The following KIF21B variants were observed in gnomAD, a reference collection of about 807,000 sequenced individuals.
KIF21B encodes the protein kinesin-like protein KIF21B.
In KIF21B, 85 loss-of-function variants were observed where a neutral mutation model predicts 192.9. The observed-to-expected ratio is 0.44, with a 90% CI of 0.37 to 0.53. The LOEUF (loss-of-function observed/expected upper bound fraction) is 0.53, where lower values mean the gene tolerates loss of function less well. Ranked by LOEUF, KIF21B falls within the 20% of genes least tolerant of loss-of-function variation. The pLI, the probability that KIF21B is intolerant of heterozygous loss-of-function variation, is 0.00. For synonymous variants in KIF21B, 832 were observed against 884.6 expected (o/e 0.94, Z 1.05); for missense variants, 1,716 against 2,194.8 (o/e 0.78, Z 4.36).
intron 27 of KIF21B, 102 bp from the exon 28 acceptor site, chr1:200,983,196 A>T: frequency 1.0e-6 from 1 of 971,958 alleles, no homozygotes. Context: ...AGGGCAGGTT[A>T]TTCTCTTCCA....
In KIF21B at chr1:200,986,819, A is replaced by G. The variant is rs540304756; in HGVS notation, c.3689+25T>C. 6 of 1,593,492 alleles carry G rather than the reference A, an allele frequency of 3.8e-6. No individual in the cohort carries two copies. The African/African-American group carries it at 4.0e-5, about 11-fold the overall frequency. On this transcript the variant is annotated intron_variant, in intron 26 of 34. Transcript: ENST00000461742. Reference sequence around the variant, plus strand: ...AGAACTAGACTGGTGGTGACTCTGGAGCAGATTCTAGAACATGATCTCACC... The same window carrying G: ...AGAACTAGACTGGTGGTGACTCTGGGGCAGATTCTAGAACATGATCTCACC...
Position 200,973,078 on chromosome 1 carries a change from AG to A in KIF21B, c.*442del, listed in dbSNP as rs1393397135. ...TGAGGACTTATCTTTTTGGGCTCAG[AG>A]GCAGGTGCAGTGGCTCTAGAGGCTG... On this transcript the variant is annotated 3_prime_UTR_variant, in exon 35 of 35. Coordinates refer to ENST00000461742, the MANE Select transcript of KIF21B (RefSeq NM_001252102.2). 2 of 160,414 alleles carry A rather than the reference AG, an allele frequency of 1.2e-5. No homozygotes were observed. Among genetic ancestry groups the A allele is most frequent in the African/African-American group, 4.8e-5 (2 of 41,796 alleles). 9.9% of individuals were successfully genotyped at this position (160,414 alleles called of 1,614,324 possible).
Position 201,000,201 on chromosome 1 carries a change from A to G in KIF21B, c.1685+189T>C, listed in dbSNP as rs903807164. The stretch of plus-strand genomic sequence containing the variant: ...CAGATGGCATAGGAGAACGTGGGGG[A>G]GGGAGGTTGCCCAAAAGGCTGAGCA... On this transcript the variant is annotated intron_variant, in intron 11 of 34. Transcript: ENST00000461742. This position sits in a 1 kb window ranked among gnomAD's most constrained non-coding sequence, Gnocchi z 6.0. 6.6e-6 allele frequency among the ~76,000 whole-genome samples: 1 copy of G among 151,976 alleles called. No homozygotes were observed. Among genetic ancestry groups the G allele is most frequent in the African/African-American group, 2.4e-5 (1 of 41,390 alleles).
chr1:201,005,740 C>A, intron 3 of KIF21B, 46 bp from the exon 4 acceptor site: 2 of 1,593,142 alleles, frequency 1.3e-6, no homozygotes, highest in Non-Finnish European at 1.7e-6. Flanking sequence ...TTCACTGGGG[C>A]CCCAGGTGGC....
intron 34 of KIF21B, chr1:200,973,908 AAGGACGGTGGGTGC>A: frequency 6.7e-7 from 1 of 1,487,734 alleles, no homozygotes; most frequent in Non-Finnish European, 8.9e-7. Context: ...ATGCTTGGAA[AAGGACGGTGGGTGC>A]AGGAGGGACA....
intron 26 of KIF21B, among the ~76,000 whole-genome samples, chr1:200,986,316 T>C (rs12136966): frequency 0.26 from 38,752 of 151,550 alleles, 5,910 homozygotes; most frequent in African/African-American, 0.42. Flanking sequence ...CTGGCTCGGC[T>C]ATGCAGTTTA....
chr1:200,975,889 T>A lies in KIF21B; in HGVS notation c.4444-220A>T, dbSNP rs1655518244. 6.6e-6 allele frequency among the ~76,000 whole-genome samples: 1 copy of A among 152,072 alleles called. No homozygotes were observed. The highest frequency in any genetic ancestry group is 2.4e-5 in the African/African-American group (1 of 41,412). ...GGAAGGTTCAGATCTTGACCCTTCC[T>A]GTGGATACTGGGGCAGGGGTGGGAG... On this transcript the variant is annotated intron_variant, in intron 32 of 34. Coordinates refer to ENST00000461742, the MANE Select transcript of KIF21B (RefSeq NM_001252102.2). This position sits in a 1 kb window ranked among gnomAD's most constrained non-coding sequence, Gnocchi z 4.3.
chr1:200,984,835 C>A (rs372023400), intron 27 of KIF21B, 24 bp downstream of exon 27: 13 of 1,492,672 alleles, frequency 8.7e-6, no homozygotes, highest in Admixed American at 2.3e-5. Context: ...TGCCCTCCCC[C>A]ACTTGCCCTC....
Position 201,005,408 on chromosome 1 carries a change from C to G in KIF21B, c.632G>C (p.Arg211Pro). The change falls in exon 5 of 35, where the codon CGC becomes CCC. Residue 211 changes from arginine to proline, a missense_variant. By Grantham distance (103) the Arg-to-Pro change is moderately radical. Transcript: ENST00000461742. The stretch of plus-strand genomic sequence containing the variant: ...GTTCATCTGGGTGCTGGCTGTGGTG[C>G]GGGACAGGGCCCCCTGCTTCAGGCA... ...IQCLKQGALSRTTASTQMNVQ... is the reference protein window; with the variant it reads ...IQCLKQGALSPTTASTQMNVQ... 1 of 1,611,834 alleles carries G rather than the reference C, an allele frequency of 6.2e-7. No individual in the cohort carries two copies. The highest frequency in any genetic ancestry group is 8.5e-7 in the Non-Finnish European group (1 of 1,178,888).
In KIF21B at chr1:200,999,418, C is replaced by T. The variant is rs200764096; in HGVS notation, c.1816G>A (p.Glu606Lys). The change falls in exon 13 of 35, where the codon GAG becomes AAG. Residue 606 changes from glutamate (E) to lysine (K), a missense_variant. Physicochemically the swap from Glu to Lys is moderately conservative, Grantham distance 56. Around this residue, in one of 3 missense-constraint regions of KIF21B, gnomAD observed 1,087 missense variants for 1,316.6 expected, o/e 0.83. Coordinates refer to ENST00000461742, the MANE Select transcript of KIF21B (RefSeq NM_001252102.2). The surrounding 1 kb of genome is among the most constrained non-coding windows in gnomAD (Gnocchi z 4.7). ...CTGCCCGAGTCCTCATCTTCATCCT[C>T]GCGCCCTTCCTCCTCCTCACAGCCA... The part of the protein sequence containing the change: ...ESGCEEEEGR[E>K]DEDEDSGSEE... 60 of 1,614,030 alleles carry T rather than the reference C, an allele frequency of 3.7e-5. No homozygotes were observed. Among genetic ancestry groups the T allele is most frequent in the Non-Finnish European group, 1.1e-5 (13 of 1,180,032 alleles).
chr1:200,974,740 A>C lies in KIF21B; in HGVS notation c.4788T>G (p.Asn1596Lys). The change falls in exon 34 of 35, where the codon AAT becomes AAG. Residue 1596 changes from asparagine to lysine, a missense_variant. By Grantham distance (94) the Asn-to-Lys change is moderately conservative. This residue lies in a region of KIF21B where 580 missense variants were observed against 775.5 expected (regional missense o/e 0.75). Transcript: ENST00000461742. Reference sequence around the variant, plus strand: ...TGGAGGCTGTGAAGATATGCTTGGCATTGGTGCAGATGGCATTGATGGGAC... The same window carrying C: ...TGGAGGCTGTGAAGATATGCTTGGCCTTGGTGCAGATGGCATTGATGGGAC... ...HDSPINAICTNAKHIFTASSD... is the reference protein window; with the variant it reads ...HDSPINAICTKAKHIFTASSD... 6.2e-7 allele frequency: 1 copy of C among 1,614,200 alleles called. No individual in the cohort carries two copies. The highest frequency in any genetic ancestry group is 8.5e-7 in the Non-Finnish European group (1 of 1,180,012).
Position 200,990,839 on chromosome 1 carries a change from C to T in KIF21B, c.2687+78G>A. On this transcript the variant is annotated intron_variant, in intron 18 of 34. Transcript: ENST00000461742. The surrounding 1 kb of genome is among the most constrained non-coding windows in gnomAD (Gnocchi z 5.4). The stretch of plus-strand genomic sequence containing the variant: ...ACCCGGAGCACTCCCCAGAGCTTCC[C>T]TCTTCCTCACCCTGGCCCTGCCCCA... 3 of 1,598,100 alleles carry T rather than the reference C, an allele frequency of 1.9e-6. No homozygotes were observed. Among genetic ancestry groups the T allele is most frequent in the South Asian group, 2.2e-5 (2 of 90,052 alleles).
In KIF21B at chr1:201,023,064, C is replaced by A. The variant is rs1354669486; in HGVS notation, c.41+279G>T. Among the ~76,000 whole-genome samples, 1 of 152,268 alleles carries A rather than the reference C, an allele frequency of 6.6e-6. No individual in the cohort carries two copies. Among genetic ancestry groups the A allele is most frequent in the Non-Finnish European group, 1.5e-5 (1 of 68,046 alleles). On this transcript the variant is annotated intron_variant, in intron 1 of 34. Transcript: ENST00000461742. The surrounding 1 kb of genome is among the most constrained non-coding windows in gnomAD (Gnocchi z 5.9). ...TGGGCCAGAGCTGGGTGTGAAATAC[C>A]GGATTTCCTTGTTTATTCGATTTTC...
At position 200,987,022 on chromosome 1, in the gene KIF21B, G is replaced by A. The variant is rs149201135; in HGVS notation, c.3588C>T (p.Val1196=). ...AAGTGCTGCCCCGGGTAGGCAGACT[G>A]ACGGTGCGCGAGACCCTGTCCCGGT... ...PYYRDRVSRT[V]SLPTRGSTFP... is the part of the protein sequence containing the mutation. The change falls in exon 25 of 35, where the codon GTC becomes GTT. Residue 1196 remains valine (V), a synonymous_variant. Coordinates refer to ENST00000461742, the MANE Select transcript of KIF21B (RefSeq NM_001252102.2). 1.1e-5 allele frequency: 17 copies of A among 1,614,098 alleles called. No homozygotes were observed. In the African/African-American group the frequency reaches 2.0e-4, roughly 19 times the overall value.
intron 3 of KIF21B, among the ~76,000 whole-genome samples, chr1:201,006,859 GACAC>G (rs575791469): frequency 2.1e-5 from 3 of 146,026 alleles, no homozygotes; most frequent in Non-Finnish European, 3.0e-5. Context: ...GAGACACACA[GACAC>G]ACACACACAC....
At position 200,983,158 on chromosome 1, in the gene KIF21B, A is replaced by G. The variant is rs1320824330; in HGVS notation, c.3804-64T>C. Reference sequence around the variant, plus strand: ...AGGAGACACACACAGAGGGACGCAGAGGCGGCAGCAGTGTGTGGGGTGGTC... The same window carrying G: ...AGGAGACACACACAGAGGGACGCAGGGGCGGCAGCAGTGTGTGGGGTGGTC... On this transcript the variant is annotated intron_variant, in intron 27 of 34. Transcript: ENST00000461742. 11 of 1,393,678 alleles carry G rather than the reference A, an allele frequency of 7.9e-6. No individual in the cohort carries two copies. The East Asian group carries it at 2.0e-4, about 25-fold the overall frequency. 86.3% of individuals were successfully genotyped at this position (1,393,678 alleles called of 1,614,324 possible).
rs778478640 is a variant in KIF21B at position 201,000,757 on chromosome 1, C to A, written c.1426G>T (p.Ala476Ser). The A allele has an allele frequency of 1.9e-6, 3 of 1,614,244 alleles. No individual in the cohort carries two copies. The highest frequency in any genetic ancestry group is 1.1e-5 in the South Asian group (1 of 91,088). The change falls in exon 10 of 35, where the codon GCG becomes TCG. Residue 476 changes from alanine (A) to serine (S), a missense_variant. By Grantham distance (99) the Ala-to-Ser change is moderately conservative (BLOSUM62 1). Around this residue, in one of 3 missense-constraint regions of KIF21B, gnomAD observed 1,087 missense variants for 1,316.6 expected, o/e 0.83. Transcript: ENST00000461742. This position sits in a 1 kb window ranked among gnomAD's most constrained non-coding sequence, Gnocchi z 6.0. ...TCCCGGATGTAGTTCTGGATCAGCG[C>A]ACCAATGGCCTCATTGCCATCGCCT... ...KAGDGNEAIG[A>S]LIQNYIREIE...
rs1430621057 is a variant in KIF21B, at chr1:200,992,402, G to C, written c.2278-13C>G. 1.9e-6 allele frequency: 3 copies of C among 1,611,578 alleles called. No homozygotes were observed. In the Admixed American group the frequency reaches 5.0e-5, roughly 27 times the overall value. On this transcript the variant is annotated splice_polypyrimidine_tract_variant and intron_variant, in intron 15 of 34. Coordinates refer to ENST00000461742, the MANE Select transcript of KIF21B (RefSeq NM_001252102.2). Reference sequence around the variant, plus strand: ...TCATCAGGGCCACCTGGGATGGGCAGAGATTATGGTGGTGAGACAGGGCTG... The same window carrying C: ...TCATCAGGGCCACCTGGGATGGGCACAGATTATGGTGGTGAGACAGGGCTG...
At chr1:200,977,425 A>G (rs1228338796) in intron 30 of KIF21B, 49 bp from the exon 31 acceptor site, 10 of 1,596,534 alleles carry the variant, frequency 6.3e-6, no homozygotes, top group Admixed American at 1.7e-5. Flanking sequence ...ATCCATGTGC[A>G]CAGTGCAGGA....
Sources: gnomAD v4.1 joint callset for allele counts (sites outside exome capture counted in the v4.1 genomes callset) on GRCh38, gnomAD v4.1.1 for gene constraint, gnomAD v4.1.1 regional missense constraint, Gnocchi (gnomAD v3.1) non-coding constraint, MANE v1.5 for transcripts, NCBI Gene and HGNC (gene_info 2026-07-23, HGNC 2026-07-21) for gene names.